MKLN1: variants seen among roughly 807,000 people sequenced by gnomAD.
The protein encoded by MKLN1 is muskelin 1.
In MKLN1, 18 loss-of-function variants were observed where a neutral mutation model predicts 99.0. The observed-to-expected ratio is 0.18, with a 90% confidence interval of 0.13 to 0.27. The LOEUF (loss-of-function observed/expected upper bound fraction) is 0.27. Ranked by LOEUF, MKLN1 falls within the 10% of genes least tolerant of loss-of-function variation. The pLI, the probability that MKLN1 is intolerant of heterozygous loss-of-function variation, is 1.00. For missense variants in MKLN1, 621 were observed against 875.9 expected, an observed-to-expected ratio of 0.71 and a Z score of 3.67; for synonymous variants, 288 against 293.2, an observed-to-expected ratio of 0.98 and a Z score of 0.18.
At chr7:131,456,535 G>T (rs920983357) in intron 12 of MKLN1, among the ~76,000 whole-genome samples, 1 of 152,080 alleles carries the variant, frequency 6.6e-6, no homozygotes, top group African/African-American at 2.4e-5. Context: ...GTCAGAATTC[G>T]GTGGGCAAAC....
At chr7:131,457,795 A>T (rs1439948995) in intron 12 of MKLN1, among the ~76,000 whole-genome samples, 4 of 152,156 alleles carry the variant, frequency 2.6e-5, no homozygotes, top group African/African-American at 9.7e-5. Flanking sequence ...GCATGTCTGT[A>T]ATCCCAGCTA....
chr7:131,249,260 G>A (rs1298669918), intron 3 of MKLN1, among the ~76,000 whole-genome samples: 1 of 152,214 alleles, frequency 6.6e-6, no homozygotes, highest in Non-Finnish European at 1.5e-5. Context: ...CAAAATTGGG[G>A]CAGCCAGGGA....
intron 1 of MKLN1, among the ~76,000 whole-genome samples, chr7:131,362,513 A>G (rs938897894): frequency 2.0e-5 from 3 of 152,074 alleles, no homozygotes; most frequent in African/African-American, 4.8e-5. Context: ...TTTCCCTAGC[A>G]TACCGTGTAT....
At chr7:131,339,214 C>T (rs987488102) in intron 1 of MKLN1, among the ~76,000 whole-genome samples, 12 of 152,118 alleles carry the variant, frequency 7.9e-5, no homozygotes, top group Non-Finnish European at 1.3e-4. Context: ...CCCCTAGGCC[C>T]CACATTGTTC....
intron 8 of MKLN1, among the ~76,000 whole-genome samples, chr7:131,418,065 A>G (rs1795075105): frequency 6.6e-6 from 1 of 152,100 alleles, no homozygotes; most frequent in African/African-American, 2.4e-5. Context: ...AGCACCAGAG[A>G]AATGGAACAA....
At chr7:131,386,474 G>A (rs1276879410) in intron 2 of MKLN1, among the ~76,000 whole-genome samples, 1 of 152,128 alleles carries the variant, frequency 6.6e-6, no homozygotes, top group Non-Finnish European at 1.5e-5. Context: ...CAAAACATCT[G>A]ATTGGTTTTT....
At chr7:131,115,511 T>A (rs1795260940) in intron 1 of MKLN1, among the ~76,000 whole-genome samples, 1 of 152,188 alleles carries the variant, frequency 6.6e-6, no homozygotes, top group Non-Finnish European at 1.5e-5. Flanking sequence ...AGCTAGAGTT[T>A]CATAAATCAT....
intron 9 of MKLN1, among the ~76,000 whole-genome samples, chr7:131,431,536 T>C (rs929276765): frequency 1.3e-5 from 2 of 152,148 alleles, no homozygotes; most frequent in Non-Finnish European, 2.9e-5. Flanking sequence ...TTATATAGGC[T>C]AGCCAGAGCT....
chr7:131,155,075 G>C (rs1048406524), intron 2 of MKLN1, among the ~76,000 whole-genome samples: 3 of 152,054 alleles, frequency 2.0e-5, no homozygotes, highest in Admixed American at 6.6e-5. Flanking sequence ...TTCTTATAGA[G>C]AAATTTAAAA....
intron 2 of MKLN1, among the ~76,000 whole-genome samples, chr7:131,180,507 T>G (rs925430291): frequency 1.3e-5 from 2 of 152,136 alleles, no homozygotes; most frequent in African/African-American, 4.8e-5. Flanking sequence ...GAGACCAGCA[T>G]GGCCAACATG....
At chr7:131,384,732 AT>A (rs1229896893) in intron 2 of MKLN1, among the ~76,000 whole-genome samples, 1 of 152,216 alleles carries the variant, frequency 6.6e-6, no homozygotes, top group Non-Finnish European at 1.5e-5. Context: ...CTGTGTTCAT[AT>A]ATTCCTCCCA....
intron 1 of MKLN1, among the ~76,000 whole-genome samples, chr7:131,338,044 C>A (rs889599449): frequency 1.3e-5 from 2 of 152,184 alleles, no homozygotes; most frequent in Non-Finnish European, 1.5e-5. Flanking sequence ...CTGTAGTTTG[C>A]TTCCAACTTG....
At chr7:131,252,104 T>C (rs1479945199) in intron 3 of MKLN1, among the ~76,000 whole-genome samples, 1 of 152,068 alleles carries the variant, frequency 6.6e-6, no homozygotes, top group Non-Finnish European at 1.5e-5. Context: ...ATTCCCCTTT[T>C]TTCACAAATT....
intron 3 of MKLN1, among the ~76,000 whole-genome samples, chr7:131,271,639 T>G (rs1797886639): frequency 7.6e-6 from 1 of 132,294 alleles, no homozygotes. Flanking sequence ...AAAAAAAAAT[T>G]TGGCCGGGCA....
At chr7:131,460,863 T>C (rs1450627093) in intron 12 of MKLN1, among the ~76,000 whole-genome samples, 1 of 152,224 alleles carries the variant, frequency 6.6e-6, no homozygotes, top group African/African-American at 2.4e-5. Flanking sequence ...GCAATAAATT[T>C]AGGCAGTTAT....
At chr7:131,416,349 A>T (rs1055131975) in intron 8 of MKLN1, among the ~76,000 whole-genome samples, 1 of 152,136 alleles carries the variant, frequency 6.6e-6, no homozygotes, top group African/African-American at 2.4e-5. Context: ...AGACAAAAAA[A>T]TTTTCCTCTT....
At chr7:131,421,479 A>T (rs533737928) in intron 8 of MKLN1, among the ~76,000 whole-genome samples, 70 of 152,178 alleles carry the variant, frequency 4.6e-4, no homozygotes, top group Non-Finnish European at 8.5e-4. Context: ...TGGGTGTCTG[A>T]CATCCCTGGG....
chr7:131,453,179 A>G (rs1434846936), intron 12 of MKLN1, among the ~76,000 whole-genome samples: 1 of 152,234 alleles, frequency 6.6e-6, no homozygotes, highest in Non-Finnish European at 1.5e-5. Flanking sequence ...TATGATATTT[A>G]GGTTACTTGA....
intron 1 of MKLN1, among the ~76,000 whole-genome samples, chr7:131,346,453 C>T (rs1227683536): frequency 4.0e-5 from 6 of 150,824 alleles, no homozygotes; most frequent in African/African-American, 7.3e-5. Flanking sequence ...ACCCGGGAGG[C>T]GGAGGTTGCA....
Sources: gnomAD v4.1 joint callset for allele counts (sites outside exome capture counted in the v4.1 genomes callset) on GRCh38, gnomAD v4.1.1 for gene constraint, MANE v1.5 for transcripts, NCBI Gene and HGNC (gene_info 2026-07-23, HGNC 2026-07-21) for gene names.